NCOA1: variants seen among roughly 807,000 people sequenced by gnomAD.
NCOA1 encodes nuclear receptor coactivator 1, also known as Hin-2 protein.
Under a neutral mutation model 150.9 loss-of-function variants are expected in NCOA1, and 35 were observed. That is an observed-to-expected ratio of 0.23 (90% confidence interval 0.18 to 0.31). NCOA1 has a LOEUF of 0.31. Ranked by LOEUF, NCOA1 falls within the 10% of genes least tolerant of loss-of-function variation. The pLI is 1.00. For synonymous variants in NCOA1, 590 were observed against 630.0 expected, an observed-to-expected ratio of 0.94 and a Z score of 0.95; for missense variants, 1,491 against 1,749.3, an observed-to-expected ratio of 0.85 and a Z score of 2.63.
intron 2 of NCOA1, among the ~76,000 whole-genome samples, chr2:24,572,606 C>A (rs1364520918): frequency 1.3e-5 from 2 of 152,132 alleles, no homozygotes; most frequent in Non-Finnish European, 2.9e-5. Flanking sequence ...ACTCTGAAGA[C>A]CTGGGATAGC....
chr2:24,686,333 T>C (rs988929168), intron 8 of NCOA1, among the ~76,000 whole-genome samples: 18 of 152,320 alleles, frequency 1.2e-4, no homozygotes, highest in African/African-American at 4.3e-4. Flanking sequence ...GTAGCTAAAC[T>C]GCTACTTCTT....
intron 3 of NCOA1, among the ~76,000 whole-genome samples, chr2:24,603,875 G>T (rs1171584181): frequency 6.6e-6 from 1 of 152,168 alleles, no homozygotes; most frequent in East Asian, 1.9e-4. Flanking sequence ...TTTCTAGAAG[G>T]TTTTTAGTTA....
intron 3 of NCOA1, among the ~76,000 whole-genome samples, chr2:24,617,293 T>C (rs991710174): frequency 6.6e-6 from 1 of 152,174 alleles, no homozygotes; most frequent in Non-Finnish European, 1.5e-5. Flanking sequence ...GAGTTTGTTG[T>C]GATTGTTTTG....
At chr2:24,635,831 G>T (rs1669916020) in intron 3 of NCOA1, among the ~76,000 whole-genome samples, 1 of 152,112 alleles carries the variant, frequency 6.6e-6, no homozygotes, top group African/African-American at 2.4e-5. Context: ...AGAGCTGGAA[G>T]TTTAAGTTTC....
intron 5 of NCOA1, among the ~76,000 whole-genome samples, chr2:24,659,625 CAGCTAGCTTCCTACCTGAG>C (rs1416721092): frequency 2.0e-5 from 3 of 152,296 alleles, no homozygotes; most frequent in African/African-American, 7.2e-5. Flanking sequence ...GTTAAAAGAG[CAGCTAGCTTCCTACCTGAG>C]AGCAGCTTCC....
chr2:24,518,381 A>G (rs558770136), intron 1 of NCOA1, among the ~76,000 whole-genome samples: 1 of 152,284 alleles, frequency 6.6e-6, no homozygotes, highest in African/African-American at 2.4e-5. Flanking sequence ...ACGGTTTAAC[A>G]TTATACTTAA....
chr2:24,601,628 T>TTTTTGTTTTTTG, intron 3 of NCOA1, among the ~76,000 whole-genome samples: 2 of 148,850 alleles, frequency 1.3e-5, no homozygotes, highest in African/African-American at 4.9e-5. Flanking sequence ...TTTTTTTTTG[T>TTTTTGTTTTTTG]TTTCTTTCTT....
chr2:24,591,495 G>A (rs765157450), intron 3 of NCOA1, among the ~76,000 whole-genome samples: 4 of 152,152 alleles, frequency 2.6e-5, no homozygotes, highest in Non-Finnish European at 5.9e-5. Context: ...GTTTAGTGAA[G>A]GCTCAAAAAG....
chr2:24,764,749 A>C (rs1275544128), intron 22 of NCOA1, among the ~76,000 whole-genome samples: 1 of 152,224 alleles, frequency 6.6e-6, no homozygotes, highest in Non-Finnish European at 1.5e-5. Context: ...GTCATCCCTG[A>C]AAGGGAACAT....
At chr2:24,566,647 C>T (rs1314270597) in intron 2 of NCOA1, among the ~76,000 whole-genome samples, 2 of 152,202 alleles carry the variant, frequency 1.3e-5, no homozygotes, top group Non-Finnish European at 2.9e-5. Context: ...CACCAGGGAC[C>T]TGCCCCTTTC....
intron 1 of NCOA1, among the ~76,000 whole-genome samples, chr2:24,535,364 C>T (rs1332735996): frequency 6.6e-6 from 1 of 152,056 alleles, no homozygotes; most frequent in Non-Finnish European, 1.5e-5. Flanking sequence ...GAGTGGGTCT[C>T]CTGAATACAG....
chr2:24,646,999 T>G (rs1050773615), intron 4 of NCOA1, among the ~76,000 whole-genome samples: 2 of 152,160 alleles, frequency 1.3e-5, no homozygotes, highest in Non-Finnish European at 2.9e-5. Flanking sequence ...GGTTTTATAT[T>G]ATAACGTATG....
chr2:24,556,194 A>G lies in NCOA1; in HGVS notation c.-395-8101A>G, dbSNP rs1323437812. 3.3e-5 allele frequency: 5 copies of G among 151,888 alleles called. No homozygotes were observed. The South Asian group carries it at 1.0e-3, about 32-fold the overall frequency. 9.4% of individuals were successfully genotyped at this position (151,888 alleles called of 1,614,324 possible). A position where few individuals can be genotyped will look rare whatever the true frequency, so the allele number is the denominator to read the frequency against. On this transcript the variant is annotated intron_variant, in intron 1 of 22. Coordinates refer to ENST00000348332, the MANE Select transcript of NCOA1 (RefSeq NM_003743.5). ...GGCTCCAGTGTGTATTCCCCTCCCTATGTCCATGTGTTCTCATATGTTCAG... is the reference window on the plus strand; with the variant it reads ...GGCTCCAGTGTGTATTCCCCTCCCTGTGTCCATGTGTTCTCATATGTTCAG...
intron 1 of NCOA1, among the ~76,000 whole-genome samples, chr2:24,558,460 TAAGG>T (rs1666167375): frequency 6.6e-6 from 1 of 151,654 alleles, no homozygotes; most frequent in Non-Finnish European, 1.5e-5. Context: ...CAAGAGAAAA[TAAGG>T]AAGAAGCAAA....
chr2:24,721,783 T>C (rs1674368087), intron 14 of NCOA1, among the ~76,000 whole-genome samples: 1 of 152,366 alleles, frequency 6.6e-6, no homozygotes, highest in South Asian at 2.1e-4. Flanking sequence ...GGAGTTGTTC[T>C]GGTGTTCTGG....
chr2:24,717,742 A>T (rs547572121), intron 14 of NCOA1, among the ~76,000 whole-genome samples: 1 of 152,288 alleles, frequency 6.6e-6, no homozygotes, highest in African/African-American at 2.4e-5. Context: ...TTTAGTTAAT[A>T]CTAATGTGTC....
intron 3 of NCOA1, among the ~76,000 whole-genome samples, chr2:24,590,577 AT>A (rs1020634241): frequency 2.0e-5 from 3 of 151,978 alleles, no homozygotes; most frequent in Admixed American, 6.6e-5. Context: ...TTTTTAGGAA[AT>A]TTTTTTTCTT....
intron 3 of NCOA1, among the ~76,000 whole-genome samples, chr2:24,600,100 C>T (rs941148876): frequency 6.6e-6 from 1 of 152,142 alleles, no homozygotes; most frequent in Admixed American, 6.5e-5. Flanking sequence ...TTATAAAATC[C>T]TTTTATTGCA....
At chr2:24,558,394 TGGGGAGGCCCCAGAATCATG>T (rs1489964814) in intron 1 of NCOA1, among the ~76,000 whole-genome samples, 10 of 152,116 alleles carry the variant, frequency 6.6e-5, no homozygotes, top group Non-Finnish European at 1.5e-4. Context: ...TCCACATGGC[TGGGGAGGCCCCAGAATCATG>T]GCGGGAGGTG....
Sources: gnomAD v4.1 joint callset for allele counts (sites outside exome capture counted in the v4.1 genomes callset) on GRCh38, gnomAD v4.1.1 for gene constraint, MANE v1.5 for transcripts, NCBI Gene and HGNC (gene_info 2026-07-23, HGNC 2026-07-21) for gene names.